The following TNS3 variants were observed in gnomAD, a reference collection of about 807,000 sequenced individuals.
TNS3 encodes tensin 3.
TNS3 carries 45 observed loss-of-function variants against 140.9 expected under a neutral mutation model. The ratio of observed to expected loss-of-function variants is 0.32; its 90% CI spans 0.25 to 0.41. The LOEUF is 0.41. Among genes scored for constraint, TNS3 ranks in the 10% least tolerant of loss-of-function variants. The probability of loss-of-function intolerance (pLI) is 1.00; values close to 1 mark genes in which losing one functional copy is unlikely to be tolerated. For missense variants in TNS3, 1,716 were observed against 1,906.7 expected (o/e 0.90, Z 1.86); for synonymous variants, 815 against 788.4 (o/e 1.03, Z -0.56).
chr7:47,570,384 G>T (rs1800525155), intron 1 of TNS3, among the ~76,000 whole-genome samples: 2 of 152,198 alleles, frequency 1.3e-5, no homozygotes, highest in African/African-American at 4.8e-5. Context: ...AACCTGCATG[G>T]ACTCCTGGGG....
At chr7:47,308,711 T>C (rs1358298518) in intron 20 of TNS3, among the ~76,000 whole-genome samples, 1 of 152,200 alleles carries the variant, frequency 6.6e-6, no homozygotes, top group African/African-American at 2.4e-5. Context: ...CCCCCACTAC[T>C]GGGCAAAACC....
In TNS3 at chr7:47,292,035, GT is replaced by G. The variant is rs771805482; in HGVS notation, c.3851-4del. On this transcript the variant is annotated splice_region_variant and splice_polypyrimidine_tract_variant and intron_variant, in intron 26 of 30. Transcript: ENST00000311160. The stretch of plus-strand genomic sequence containing the variant: ...TTCTGCTATTTCCTCCAATGGATCT[GT>G]AGGAAGGGGCAAGAAAATACAGAAA... The G allele has an allele frequency of 2.7e-5, 44 of 1,613,888 alleles. No homozygotes were observed. The highest frequency in any genetic ancestry group is 3.5e-5 in the Non-Finnish European group (41 of 1,179,968).
chr7:47,449,340 G>C (rs549325507), intron 4 of TNS3, among the ~76,000 whole-genome samples: 2 of 152,318 alleles, frequency 1.3e-5, no homozygotes, highest in South Asian at 4.1e-4. Flanking sequence ...GGTCCTCAGA[G>C]CCCTGGGTGA....
At chr7:47,317,879 C>T (rs1175706414) in intron 20 of TNS3, among the ~76,000 whole-genome samples, 1 of 152,118 alleles carries the variant, frequency 6.6e-6, no homozygotes. Context: ...CCTCATGAAG[C>T]CAAATCTGAG....
intron 24 of TNS3, among the ~76,000 whole-genome samples, chr7:47,295,187 C>T (rs1479380821): frequency 6.6e-6 from 1 of 152,146 alleles, no homozygotes; most frequent in East Asian, 1.9e-4. Context: ...CTATTTTGTT[C>T]CTTTCATCTT....
At chr7:47,453,455 C>T (rs1247858258) in intron 4 of TNS3, among the ~76,000 whole-genome samples, 5 of 152,198 alleles carry the variant, frequency 3.3e-5, no homozygotes, top group Non-Finnish European at 7.3e-5. Context: ...CTGATGCCCA[C>T]TGGCCTTCCT....
chr7:47,481,189 A>G (rs1339186183), intron 3 of TNS3, 48 bp from the exon 4 acceptor site: 3 of 1,271,650 alleles, frequency 2.4e-6, no homozygotes, highest in Non-Finnish European at 3.1e-6. Flanking sequence ...CTCCAGGAAA[A>G]AATTAGCATA....
At chr7:47,413,439 C>T (rs1197348133) in intron 12 of TNS3, among the ~76,000 whole-genome samples, 1 of 150,480 alleles carries the variant, frequency 6.6e-6, no homozygotes, top group Non-Finnish European at 1.5e-5. Flanking sequence ...TTAGTAGAGA[C>T]GGGGTTTCAC....
At chr7:47,451,381 A>T (rs1483283081) in intron 4 of TNS3, among the ~76,000 whole-genome samples, 9 of 152,200 alleles carry the variant, frequency 5.9e-5, no homozygotes, top group African/African-American at 1.9e-4. Flanking sequence ...GGAGTTCGAG[A>T]CCAACCTGGC....
chr7:47,307,548 G>A (rs1217325869), intron 20 of TNS3, among the ~76,000 whole-genome samples: 1 of 152,224 alleles, frequency 6.6e-6, no homozygotes, highest in African/African-American at 2.4e-5. Flanking sequence ...AAAATGCAAA[G>A]CTGCTTCCCA....
intron 1 of TNS3, among the ~76,000 whole-genome samples, chr7:47,544,608 C>CT (rs534694121): frequency 8.5e-5 from 13 of 152,112 alleles, no homozygotes; most frequent in Non-Finnish European, 1.5e-4. Context: ...GAGCCTTGAT[C>CT]TTGGACTTCC....
chr7:47,552,044 A>G (rs575462839), intron 1 of TNS3, among the ~76,000 whole-genome samples: 1 of 148,896 alleles, frequency 6.7e-6, no homozygotes, highest in African/African-American at 2.6e-5. Flanking sequence ...CGGCATTCTT[A>G]CCCACCATAT....
At chr7:47,492,737 A>G (rs1451004439) in intron 3 of TNS3, among the ~76,000 whole-genome samples, 4 of 152,266 alleles carry the variant, frequency 2.6e-5, no homozygotes, top group Admixed American at 2.6e-4. Context: ...AACAAAGCAC[A>G]GTTTTCCGAG....
intron 3 of TNS3, among the ~76,000 whole-genome samples, chr7:47,489,221 G>A (rs144779625): frequency 0.015 from 2,246 of 152,208 alleles, 36 homozygotes; most frequent in Non-Finnish European, 0.021. Context: ...GGACAGGAGC[G>A]GAAGAGAAAG....
At chr7:47,316,140 C>CCCT (rs1787394261) in intron 20 of TNS3, among the ~76,000 whole-genome samples, 1 of 124,700 alleles carries the variant, frequency 8.0e-6, no homozygotes, top group African/African-American at 2.9e-5. Flanking sequence ...CTCTCTCTCT[C>CCCT]TCTCTCCATT....
rs186474047 is a variant in TNS3 at position 47,404,874 on chromosome 7, A to G, written c.724-3960T>C. On this transcript the variant is annotated intron_variant, in intron 13 of 30. Transcript: ENST00000311160. ...ACTCCAGCCTGGGTGACAGAGAGACACTCAGTCTCAAAAAATAAAAATAAA... is the reference window on the plus strand; with the variant it reads ...ACTCCAGCCTGGGTGACAGAGAGACGCTCAGTCTCAAAAAATAAAAATAAA... 2.8e-3 allele frequency among the ~76,000 whole-genome samples: 421 copies of G among 152,006 alleles called. 1 individual carries two copies. Among genetic ancestry groups the G allele is most frequent in the African/African-American group, 9.6e-3 (397 of 41,440 alleles).
intron 17 of TNS3, among the ~76,000 whole-genome samples, chr7:47,355,256 G>T (rs898003706): frequency 6.6e-6 from 1 of 152,236 alleles, no homozygotes; most frequent in Non-Finnish European, 1.5e-5. Flanking sequence ...AGGACGCTCA[G>T]TCATTCCGGC....
intron 13 of TNS3, among the ~76,000 whole-genome samples, chr7:47,402,801 G>C (rs1021502681): frequency 6.6e-6 from 1 of 152,182 alleles, no homozygotes; most frequent in African/African-American, 2.4e-5. Flanking sequence ...GAAGGGAAAA[G>C]GAAAAGAGAT....
intron 1 of TNS3, among the ~76,000 whole-genome samples, chr7:47,555,825 AC>A (rs1218723934): frequency 1.3e-5 from 2 of 152,252 alleles, no homozygotes; most frequent in Non-Finnish European, 2.9e-5. Flanking sequence ...AGTATAATCA[AC>A]TTTTATATGC....
Sources: gnomAD v4.1 joint callset for allele counts (sites outside exome capture counted in the v4.1 genomes callset) on GRCh38, gnomAD v4.1.1 for gene constraint, MANE v1.5 for transcripts, NCBI Gene and HGNC (gene_info 2026-07-23, HGNC 2026-07-21) for gene names.